Variants in MTAP observed in about 807,000 individuals in gnomAD.
MTAP encodes methylthioadenosine phosphorylase.
MTAP carries 33 observed loss-of-function variants against 33.6 expected under a neutral mutation model. The ratio of observed to expected loss-of-function variants is 0.98; its 90% CI spans 0.74 to 1.31. MTAP has a LOEUF of 1.31. Ranked by LOEUF, MTAP falls within the 40% of genes most tolerant of loss-of-function variation. The pLI is 0.00. For synonymous variants in MTAP, 148 were observed against 125.7 expected (o/e 1.18, Z -1.19); for missense variants, 367 against 360.0 (o/e 1.02, Z -0.16).
At chr9:21,901,318 T>G (rs1818389526) in intron 1 of MTAP, among the ~76,000 whole-genome samples, 1 of 152,206 alleles carries the variant, frequency 6.6e-6, no homozygotes, top group Non-Finnish European at 1.5e-5. Context: ...CAATTCCAGT[T>G]TAAAAAATTG....
At chr9:21,875,427 C>T (rs1200789454) in intron 1 of MTAP, among the ~76,000 whole-genome samples, 1 of 152,100 alleles carries the variant, frequency 6.6e-6, no homozygotes, top group Non-Finnish European at 1.5e-5. Context: ...CCTTCGCCCA[C>T]TTTTTGATGG....
rs189940895 is a variant in MTAP, at chr9:21,842,677, G to T, written c.450+4667G>T. Among the ~76,000 whole-genome samples the T allele has an allele frequency of 7.2e-3, 1,090 of 152,268 alleles. 6 individuals are homozygous for T. Among genetic ancestry groups the T allele is most frequent in the Non-Finnish European group, 0.012 (813 of 68,014 alleles). ...GTAAAACTAAGCTTCATAATTGAAGGAGAGATAGTCTTTTTCAGACAAACA... is the reference window on the plus strand; with the variant it reads ...GTAAAACTAAGCTTCATAATTGAAGTAGAGATAGTCTTTTTCAGACAAACA... On this transcript the variant is annotated intron_variant, in intron 5 of 7. Transcript: ENST00000644715.
Position 21,930,626 on chromosome 9 carries a change from A to C in MTAP, c.148-382A>C, listed in dbSNP as rs909698495. On this transcript the variant is annotated intron_variant, in intron 1 of 1. Transcript: ENST00000577563. Reference sequence around the variant, plus strand: ...CCAACTCTGAAAGGAAATAGCCAGCAAGTTTAATATCATGGCTAAAACCTC... The same window carrying C: ...CCAACTCTGAAAGGAAATAGCCAGCCAGTTTAATATCATGGCTAAAACCTC... 25 of 401,158 alleles carry C rather than the reference A, an allele frequency of 6.2e-5. No individual in the cohort carries two copies. In the Admixed American group the frequency reaches 6.4e-4, roughly 10 times the overall value. The allele number at this position is 401,158 out of a possible 1,614,324, so 24.8% of individuals were successfully genotyped here. A position where few individuals can be genotyped will look rare whatever the true frequency, so the allele number is the denominator to read the frequency against.
At chr9:21,815,600 A>AAAG in intron 2 of MTAP, 81 bp downstream of exon 2, 1 of 1,067,796 alleles carries the variant, frequency 9.4e-7, no homozygotes, top group Non-Finnish European at 1.4e-6. Context: ...TAAAAAAAAA[A>AAAG]AAAAGAATTG....
Position 21,922,567 on chromosome 9 carries a change from C to A in MTAP, c.148-8441C>A, listed in dbSNP as rs987685716. On this transcript the variant is annotated intron_variant, in intron 1 of 1. Transcript: ENST00000577563. This position sits in a 1 kb window ranked among gnomAD's most constrained non-coding sequence, Gnocchi z 4.8. ...AGGCAAGAAACAAGTTCTTGCAGAC[C>A]CATACAGATTCACTGCTGCTAACAT... Among the ~76,000 whole-genome samples the A allele has an allele frequency of 1.3e-5, 2 of 152,098 alleles. No homozygotes were observed. Among genetic ancestry groups the A allele is most frequent in the Non-Finnish European group, 2.9e-5 (2 of 68,018 alleles).
At chr9:21,902,535 C>A (rs141524061) in intron 1 of MTAP, among the ~76,000 whole-genome samples, 4 of 152,346 alleles carry the variant, frequency 2.6e-5, no homozygotes, top group African/African-American at 7.2e-5. Context: ...CATCCACTTT[C>A]AAGTTTTCTA....
chr9:21,902,697 A>G (rs1316698467), intron 1 of MTAP, among the ~76,000 whole-genome samples: 2 of 152,240 alleles, frequency 1.3e-5, no homozygotes, highest in Non-Finnish European at 2.9e-5. Flanking sequence ...GGTTTTTAAT[A>G]CATCCATATA....
rs771970155 is a variant in MTAP at position 21,837,885 on chromosome 9, ACCT to A, written c.348-22_348-20del. The A allele has an allele frequency of 6.3e-7, 1 of 1,594,720 alleles. No individual in the cohort carries two copies. The highest frequency in any genetic ancestry group is 1.7e-5 in the Admixed American group (1 of 58,998). ...TGGCCTTAAAATAAAACAAACAAAA[ACCT>A]TTTTTGCTTTATTTTGTAGGACCAC... On this transcript the variant is annotated intron_variant, in intron 4 of 7. Coordinates refer to ENST00000644715, the MANE Select transcript of MTAP (RefSeq NM_002451.4).
intron 4 of MTAP, among the ~76,000 whole-genome samples, chr9:21,818,783 T>TG: frequency 6.6e-6 from 1 of 152,362 alleles, no homozygotes; most frequent in South Asian, 2.1e-4. Flanking sequence ...TCTTTAGTGG[T>TG]GAGAACATTT....
At chr9:21,859,446 A>G (rs750441782) in intron 7 of MTAP, 21 bp downstream of exon 7, 1 of 1,600,266 alleles carries the variant, frequency 6.2e-7, no homozygotes, top group East Asian at 2.2e-5. Context: ...GCCATGGACA[A>G]TCAGGCATGT....
At chr9:21,902,522 CA>C (rs1818409198) in intron 1 of MTAP, among the ~76,000 whole-genome samples, 1 of 152,198 alleles carries the variant, frequency 6.6e-6, no homozygotes, top group African/African-American at 2.4e-5. Context: ...AATAACCATA[CA>C]CCATCCACTT....
intron 1 of MTAP, among the ~76,000 whole-genome samples, chr9:21,921,573 A>G (rs936840525): frequency 1.3e-5 from 2 of 152,214 alleles, no homozygotes; most frequent in African/African-American, 4.8e-5. Flanking sequence ...TATGAAGTGG[A>G]TTGGAAAAGA....
intron 1 of MTAP, among the ~76,000 whole-genome samples, chr9:21,884,682 T>G (rs1006449973): frequency 6.6e-6 from 1 of 152,138 alleles, no homozygotes; most frequent in African/African-American, 2.4e-5. Flanking sequence ...TCTCTTCTTA[T>G]AAGGACACTA....
Position 21,864,825 on chromosome 9 carries a change from CCA to C in MTAP, c.*2814_*2815del. 2 of 985,496 alleles carry C rather than the reference CCA, an allele frequency of 2.0e-6. No homozygotes were observed. Among genetic ancestry groups the C allele is most frequent in the South Asian group, 9.4e-5 (2 of 21,290 alleles). The allele number at this position is 985,496 out of a possible 1,614,324, so 61.0% of individuals were successfully genotyped here. Reference sequence around the variant, plus strand: ...GTGCCACGTGAGCCTGCTCTGGCATCCACAGGATGCTCCTGGAGCCTCTTCTC... The same window carrying C: ...GTGCCACGTGAGCCTGCTCTGGCATCCAGGATGCTCCTGGAGCCTCTTCTC... On this transcript the variant is annotated 3_prime_UTR_variant, in exon 8 of 8. Transcript: ENST00000644715.
At chr9:21,821,176 T>C (rs1309719515) in intron 4 of MTAP, among the ~76,000 whole-genome samples, 1 of 152,192 alleles carries the variant, frequency 6.6e-6, no homozygotes, top group African/African-American at 2.4e-5. Flanking sequence ...ATAGGAGTGG[T>C]GAGAGAGGGC....
chr9:21,835,291 A>C (rs1162351886), intron 4 of MTAP, among the ~76,000 whole-genome samples: 2 of 152,170 alleles, frequency 1.3e-5, no homozygotes, highest in Non-Finnish European at 2.9e-5. Context: ...AGGACACAAA[A>C]CTTCAGACCA....
chr9:21,832,594 TG>T (rs1824996469), intron 4 of MTAP, among the ~76,000 whole-genome samples: 1 of 152,254 alleles, frequency 6.6e-6, no homozygotes, highest in African/African-American at 2.4e-5. Flanking sequence ...CTTGCGTCCC[TG>T]TTCTTTGTCA....
intron 1 of MTAP, among the ~76,000 whole-genome samples, chr9:21,910,321 A>T (rs945396778): frequency 6.6e-6 from 1 of 151,810 alleles, no homozygotes; most frequent in African/African-American, 2.4e-5. Flanking sequence ...ACAATAGCTA[A>T]AAAAAAAGAA....
At chr9:21,923,914 G>C (rs891847834) in intron 1 of MTAP, among the ~76,000 whole-genome samples, 3 of 152,208 alleles carry the variant, frequency 2.0e-5, no homozygotes, top group East Asian at 1.9e-4. Context: ...GCAGGTGCAA[G>C]AGACAAAGTA....
Sources: allele counts gnomAD v4.1 joint callset (sites outside exome capture counted in the v4.1 genomes callset), GRCh38; gene constraint gnomAD v4.1.1; non-coding constraint Gnocchi (gnomAD v3.1); transcripts MANE v1.5; gene names NCBI Gene and HGNC (gene_info 2026-07-23, HGNC 2026-07-21).